The following SORCS2 variants were observed in gnomAD, a reference collection of about 807,000 sequenced individuals.
SORCS2 encodes the protein VPS10 domain-containing receptor SorCS2.
In SORCS2, 100 loss-of-function variants were observed where a neutral mutation model predicts 141.6. The observed-to-expected ratio is 0.71, with a 90% CI of 0.60 to 0.83. The LOEUF is 0.83. Among genes scored for constraint, SORCS2 ranks in the 40% least tolerant of loss-of-function variants. The probability of loss-of-function intolerance (pLI) is 0.00; values close to 1 mark genes in which losing one functional copy is unlikely to be tolerated. For synonymous variants in SORCS2, 789 were observed against 676.9 expected (o/e 1.17, Z -2.57); for missense variants, 1,646 against 1,560.2 (o/e 1.05, Z -0.93).
chr4:7,434,241 A>T (rs199742033), intron 2 of SORCS2: 2 of 1,613,582 alleles, frequency 1.2e-6, no homozygotes, highest in Non-Finnish European at 8.5e-7. Flanking sequence ...CCAAGGACTC[A>T]CACTGCTCCT....
intron 3 of SORCS2, among the ~76,000 whole-genome samples, chr4:7,585,428 C>T (rs948535530): frequency 6.6e-6 from 1 of 152,208 alleles, no homozygotes; most frequent in Non-Finnish European, 1.5e-5. Flanking sequence ...CTGGGGCCCT[C>T]AGGAGGTGAC....
chr4:7,307,180 C>T (rs1237579925), intron 1 of SORCS2, among the ~76,000 whole-genome samples: 2 of 152,192 alleles, frequency 1.3e-5, no homozygotes, highest in Non-Finnish European at 2.9e-5. Context: ...CTCACATTCT[C>T]TTCCCCTCCC....
chr4:7,558,677 C>T (rs58726054), intron 3 of SORCS2, among the ~76,000 whole-genome samples: 6,416 of 152,298 alleles, frequency 0.042, 187 homozygotes, highest in African/African-American at 0.071. Flanking sequence ...CGCCCTGCAC[C>T]GCTATCCTGT....
intron 1 of SORCS2, among the ~76,000 whole-genome samples, chr4:7,377,254 T>A (rs1363918229): frequency 6.6e-6 from 1 of 152,126 alleles, no homozygotes; most frequent in African/African-American, 2.4e-5. Flanking sequence ...GTAGGGGTTG[T>A]TTCTGGCTTG....
intron 3 of SORCS2, among the ~76,000 whole-genome samples, chr4:7,636,986 G>C (rs1380953218): frequency 1.3e-5 from 2 of 152,098 alleles, no homozygotes; most frequent in Admixed American, 1.3e-4. Flanking sequence ...GTGATGTGCA[G>C]ATGTGTCCCC....
At chr4:7,736,492 T>C (rs1712185492) in intron 25 of SORCS2, among the ~76,000 whole-genome samples, 2 of 152,120 alleles carry the variant, frequency 1.3e-5, no homozygotes, top group Non-Finnish European at 2.9e-5. Context: ...GACCCTGGGT[T>C]TTGATTGGAC....
chr4:7,607,374 C>T (rs1277808447), intron 3 of SORCS2, among the ~76,000 whole-genome samples: 2 of 152,104 alleles, frequency 1.3e-5, no homozygotes, highest in African/African-American at 4.8e-5. Flanking sequence ...GAGGGTGCGT[C>T]GGGGAATTTT....
intron 10 of SORCS2, among the ~76,000 whole-genome samples, chr4:7,687,377 G>T (rs1254942750): frequency 6.6e-6 from 1 of 152,158 alleles, no homozygotes; most frequent in African/African-American, 2.4e-5. Context: ...AGGACTGAAA[G>T]GTGCCAGCAA....
At chr4:7,417,082 G>A (rs1440189877) in intron 2 of SORCS2, among the ~76,000 whole-genome samples, 1 of 152,132 alleles carries the variant, frequency 6.6e-6, no homozygotes, top group Non-Finnish European at 1.5e-5. Context: ...CCCACCCCGG[G>A]GTGGGAAACA....
chr4:7,428,504 G>C (rs894369867), intron 2 of SORCS2, among the ~76,000 whole-genome samples: 5 of 152,210 alleles, frequency 3.3e-5, no homozygotes, highest in Admixed American at 3.3e-4. Context: ...TTATGGGGCC[G>C]AGGGCAGTGA....
In SORCS2 at chr4:7,638,443, T is replaced by A. The variant is rs1430186587; in HGVS notation, c.764T>A (p.Phe255Tyr). The A allele has an allele frequency of 1.9e-6, 3 of 1,609,006 alleles. No homozygotes were observed. Among genetic ancestry groups the A allele is most frequent in the Non-Finnish European group, 2.5e-6 (3 of 1,178,158 alleles). ...CCCTTCTTCGTGGAAACTCTGATTT[T>A]CCACCCTAAGGAGGAGGACAAGGTC... ...PIPFFVETLI[F>Y]HPKEEDKVLA... The change falls in exon 4 of 27, where the codon TTC (phenylalanine) becomes TAC (tyrosine). Residue 255 changes from phenylalanine (F) to tyrosine (Y), a missense_variant. By Grantham distance (22) the Phe-to-Tyr change is conservative. Coordinates refer to ENST00000507866, the MANE Select transcript of SORCS2 (RefSeq NM_020777.3).
intron 1 of SORCS2, among the ~76,000 whole-genome samples, chr4:7,320,841 A>T (rs1718851417): frequency 6.6e-6 from 1 of 152,042 alleles, no homozygotes; most frequent in African/African-American, 2.4e-5. Flanking sequence ...AAAGAAGGTG[A>T]TGGGACCCAC....
chr4:7,724,009 A>C, intron 19 of SORCS2, 126 bp downstream of exon 19: 1 of 1,152,858 alleles, frequency 8.7e-7, no homozygotes, highest in Non-Finnish European at 1.2e-6. Context: ...GGTGAACCCG[A>C]GGGCAGGGAG....
Position 7,655,020 on chromosome 4 carries a change from G to A in SORCS2, c.887+813G>A, listed in dbSNP as rs533294621. Reference sequence around the variant, plus strand: ...GGGATGCATCTATGAGGGCTGTGGAGGATGAGGGCTTGCCCAGGGTCTTAG... The same window carrying A: ...GGGATGCATCTATGAGGGCTGTGGAAGATGAGGGCTTGCCCAGGGTCTTAG... On this transcript the variant is annotated intron_variant, in intron 5 of 26. Coordinates refer to ENST00000507866, the MANE Select transcript of SORCS2 (RefSeq NM_020777.3). 5.3e-5 allele frequency among the ~76,000 whole-genome samples: 8 copies of A among 152,310 alleles called. No individual in the cohort carries two copies. In the East Asian group the frequency reaches 7.7e-4, roughly 15 times the overall value.
intron 1 of SORCS2, among the ~76,000 whole-genome samples, chr4:7,270,848 A>G (rs1715075998): frequency 6.6e-6 from 1 of 152,268 alleles, no homozygotes; most frequent in Admixed American, 6.5e-5. Flanking sequence ...TGGGGAATGA[A>G]GTTCCTGGTT....
chr4:7,571,509 G>C (rs538605131), intron 3 of SORCS2, among the ~76,000 whole-genome samples: 1 of 152,122 alleles, frequency 6.6e-6, no homozygotes, highest in African/African-American at 2.4e-5. Flanking sequence ...TGAGATGAGG[G>C]ACCCGCAAAA....
chr4:7,496,436 C>CGG (rs1731620907), intron 2 of SORCS2, among the ~76,000 whole-genome samples: 1 of 23,544 alleles, frequency 4.2e-5, no homozygotes, highest in Non-Finnish European at 1.8e-4. Flanking sequence ...AGCCCCCCCC[C>CGG]CCCACTCCCC....
chr4:7,607,314 T>C (rs537743431), intron 3 of SORCS2, among the ~76,000 whole-genome samples: 1 of 152,334 alleles, frequency 6.6e-6, no homozygotes, highest in East Asian at 1.9e-4. Flanking sequence ...CAGACGCTTT[T>C]GGAGACTTGC....
intron 1 of SORCS2, among the ~76,000 whole-genome samples, chr4:7,393,491 T>A (rs1240284626): frequency 6.6e-6 from 1 of 152,226 alleles, no homozygotes; most frequent in Non-Finnish European, 1.5e-5. Context: ...AGTGTGGCAG[T>A]GAAGAGCCCA....
Sources: gnomAD v4.1 joint callset for allele counts (sites outside exome capture counted in the v4.1 genomes callset) on GRCh38, gnomAD v4.1.1 for gene constraint, MANE v1.5 for transcripts, NCBI Gene and HGNC (gene_info 2026-07-23, HGNC 2026-07-21) for gene names.